TTC28: variants seen among roughly 807,000 people sequenced by gnomAD.
TTC28 encodes tetratricopeptide repeat domain 28.
TTC28 carries 61 observed loss-of-function variants against 198.0 expected under a neutral mutation model. The observed-to-expected ratio is 0.31, with a 90% CI of 0.25 to 0.38. TTC28 has a LOEUF of 0.38. Among genes scored for constraint, TTC28 ranks in the 10% least tolerant of loss-of-function variants. The pLI is 1.00. For synonymous variants in TTC28, 1,171 were observed against 1,297.8 expected (o/e 0.90, Z 2.10); for missense variants, 2,678 against 3,164.0 (o/e 0.85, Z 3.69).
rs1260829497 is a variant in TTC28 at position 28,171,844 on chromosome 22, A to C, written c.934-8245T>G. Reference sequence around the variant, plus strand: ...AGCAGCAATGAAGTCAACAAAGAGCATGTCACTTGGTTGTGTACTGGCCTC... The same window carrying C: ...AGCAGCAATGAAGTCAACAAAGAGCCTGTCACTTGGTTGTGTACTGGCCTC... On this transcript the variant is annotated intron_variant, in intron 5 of 22. Transcript: ENST00000397906. Among the ~76,000 whole-genome samples the C allele has an allele frequency of 2.0e-5, 3 of 152,306 alleles. No homozygotes were observed. The East Asian group carries it at 5.8e-4, about 29-fold the overall frequency.
At chr22:28,272,686 T>C (rs1483151014) in intron 5 of TTC28, among the ~76,000 whole-genome samples, 1 of 152,242 alleles carries the variant, frequency 6.6e-6, no homozygotes. Context: ...TTAAAGGCAC[T>C]GGAGTGGTAT....
At chr22:28,321,643 A>G (rs191814132) in intron 2 of TTC28, among the ~76,000 whole-genome samples, 1 of 152,304 alleles carries the variant, frequency 6.6e-6, no homozygotes, top group Admixed American at 6.5e-5. Context: ...TTAGTGATAA[A>G]CTATGGAAAG....
intron 5 of TTC28, among the ~76,000 whole-genome samples, chr22:28,280,869 C>T (rs1373281455): frequency 1.3e-5 from 2 of 151,844 alleles, no homozygotes; most frequent in Non-Finnish European, 2.9e-5. Flanking sequence ...TTATTGAATT[C>T]TGGGGTTGAC....
At chr22:28,010,499 C>G (rs900680062) in intron 14 of TTC28, among the ~76,000 whole-genome samples, 2 of 152,160 alleles carry the variant, frequency 1.3e-5, no homozygotes, top group Non-Finnish European at 1.5e-5. Context: ...AAGGCAGGGC[C>G]ACCTCCTGCC....
At chr22:28,103,984 A>G (rs910162980) in intron 8 of TTC28, among the ~76,000 whole-genome samples, 4 of 152,228 alleles carry the variant, frequency 2.6e-5, no homozygotes, top group African/African-American at 9.6e-5. Context: ...CCATGTGGAT[A>G]GAAGCGGAGG....
chr22:27,997,873 G>A (rs1937580039), intron 16 of TTC28: 1 of 152,548 alleles, frequency 6.6e-6, no homozygotes, highest in Non-Finnish European at 1.5e-5. Flanking sequence ...GACCCCAGGG[G>A]AAGCAGGTTG....
intron 5 of TTC28, among the ~76,000 whole-genome samples, chr22:28,278,094 T>C (rs888648069): frequency 5.3e-5 from 8 of 152,084 alleles, no homozygotes; most frequent in African/African-American, 1.9e-4. Flanking sequence ...CTCTCAGCTA[T>C]TGGTTCAATC....
At chr22:28,109,889 A>G (rs1473990814) in intron 6 of TTC28, among the ~76,000 whole-genome samples, 1 of 152,232 alleles carries the variant, frequency 6.6e-6, no homozygotes, top group Non-Finnish European at 1.5e-5. Flanking sequence ...GTTCTGTTAA[A>G]ACATCTGAAC....
rs1937073003 is a variant in TTC28, at chr22:27,982,940, G to T, written c.6727C>A (p.Pro2243Thr). The T allele has an allele frequency of 6.4e-7, 1 of 1,551,704 alleles. No individual in the cohort carries two copies. The highest frequency in any genetic ancestry group is 2.4e-5 in the East Asian group (1 of 40,912). The change falls in exon 23 of 23, where the codon CCC (proline) becomes ACC (threonine). Residue 2243 changes from proline (P) to threonine (T), a missense_variant. Transcript: ENST00000397906. This position sits in a 1 kb window ranked among gnomAD's most constrained non-coding sequence, Gnocchi z 5.2. ...PKPPARSSSLPKVSSGYSSPT... is the reference protein window; with the variant it reads ...PKPPARSSSLTKVSSGYSSPT... The stretch of plus-strand genomic sequence containing the variant: ...CTGCTATATCCGGAACTCACCTTGG[G>T]CAGGGAGGAGCTCCTGGCTGGGGGC...
Position 28,036,055 on chromosome 22 carries a change from C to A in TTC28, c.3933-5689G>T, listed in dbSNP as rs767629505. ...TCAATAATAATGGGAGACTTTAACA[C>A]CCCTCTGTCGATATTAGACAGATCA... On this transcript the variant is annotated intron_variant, in intron 12 of 22. Coordinates refer to ENST00000397906, the MANE Select transcript of TTC28 (RefSeq NM_001145418.2). 2.4e-4 allele frequency among the ~76,000 whole-genome samples: 37 copies of A among 152,234 alleles called. 1 individual carries two copies. The highest frequency in any genetic ancestry group is 1.8e-3 in the Admixed American group (28 of 15,282).
intron 12 of TTC28, among the ~76,000 whole-genome samples, chr22:28,083,677 T>C (rs1941447938): frequency 6.6e-6 from 1 of 152,098 alleles, no homozygotes; most frequent in Non-Finnish European, 1.5e-5. Flanking sequence ...GGACAGCGGG[T>C]GCAGCGCACC....
chr22:28,310,641 C>T (rs1298592027), intron 2 of TTC28, among the ~76,000 whole-genome samples: 1 of 151,972 alleles, frequency 6.6e-6, no homozygotes, highest in Non-Finnish European at 1.5e-5. Context: ...TGTATAACAA[C>T]ATATGTAATA....
At chr22:28,447,766 T>A (rs1011837879) in intron 2 of TTC28, among the ~76,000 whole-genome samples, 22 of 152,344 alleles carry the variant, frequency 1.4e-4, no homozygotes, top group African/African-American at 5.3e-4. Flanking sequence ...TAGAAATAAT[T>A]AATCTAAAAC....
At chr22:27,992,295 T>A (rs927147682) in intron 19 of TTC28, among the ~76,000 whole-genome samples, 1 of 152,202 alleles carries the variant, frequency 6.6e-6, no homozygotes, top group Admixed American at 6.5e-5. Flanking sequence ...GGGCCACAGC[T>A]GCCCATGACA....
At chr22:28,161,747 AC>A (rs1235387418) in intron 6 of TTC28, among the ~76,000 whole-genome samples, 4 of 147,504 alleles carry the variant, frequency 2.7e-5, no homozygotes, top group Non-Finnish European at 4.5e-5. Flanking sequence ...ACAGGACAGG[AC>A]AGGACAGGAA....
chr22:28,251,153 T>C (rs187430489), intron 5 of TTC28, among the ~76,000 whole-genome samples: 2 of 152,322 alleles, frequency 1.3e-5, no homozygotes, highest in Admixed American at 1.3e-4. Context: ...CATGGGAGTA[T>C]GCACTCATTA....
intron 2 of TTC28, among the ~76,000 whole-genome samples, chr22:28,593,508 G>GGTAA (rs1372652694): frequency 6.6e-6 from 1 of 151,734 alleles, no homozygotes; most frequent in African/African-American, 2.4e-5. Flanking sequence ...TAGGTAGGTA[G>GGTAA]GTAGGTAAGT....
At position 27,983,728 on chromosome 22, in the gene TTC28, G is replaced by A. The variant is rs1353692178; in HGVS notation, c.5939C>T (p.Thr1980Ile). The A allele has an allele frequency of 6.4e-7, 1 of 1,551,624 alleles. No individual in the cohort carries two copies. Among genetic ancestry groups the A allele is most frequent in the East Asian group, 2.4e-5 (1 of 40,906 alleles). Residue 1980 changes from threonine to isoleucine, a missense_variant, in exon 23 of 23, where the codon ACC (threonine) becomes ATC (isoleucine). Thr to Ile is a moderately conservative substitution (Grantham distance 89, BLOSUM62 -1). Transcript: ENST00000397906. Reference sequence around the variant, plus strand: ...ATCTGAGGCGATGCTGTCCGCACCGGTGGGAGAGAAGGGGGGTTGCTGGTA... The same window carrying A: ...ATCTGAGGCGATGCTGTCCGCACCGATGGGAGAGAAGGGGGGTTGCTGGTA... ...LGYQQPPFSPTGADSIASDAI... is the reference protein window; with the variant it reads ...LGYQQPPFSPIGADSIASDAI...
intron 5 of TTC28, among the ~76,000 whole-genome samples, chr22:28,240,580 A>C (rs1929591734): frequency 6.6e-6 from 1 of 152,148 alleles, no homozygotes; most frequent in African/African-American, 2.4e-5. Context: ...TCCCTAGCTT[A>C]GTCTCCAGAG....
Sources: allele counts gnomAD v4.1 joint callset (sites outside exome capture counted in the v4.1 genomes callset), GRCh38; gene constraint gnomAD v4.1.1; non-coding constraint Gnocchi (gnomAD v3.1); transcripts MANE v1.5; gene names NCBI Gene and HGNC (gene_info 2026-07-23, HGNC 2026-07-21).